RBFOX3: variants seen among roughly 807,000 people sequenced by gnomAD.
RBFOX3 encodes the protein RNA binding fox-1 homolog 3.
Under a neutral mutation model 48.7 loss-of-function variants are expected in RBFOX3, and 17 were observed. That is an observed-to-expected ratio of 0.35 (90% CI 0.24 to 0.52). The LOEUF (loss-of-function observed/expected upper bound fraction) is 0.52. Ranked by LOEUF, RBFOX3 falls within the 20% of genes least tolerant of loss-of-function variation. The pLI, the probability that RBFOX3 is intolerant of heterozygous loss-of-function variation, is 0.94. For synonymous variants in RBFOX3, 212 were observed against 209.5 expected, an observed-to-expected ratio of 1.01 and a Z score of -0.10; for missense variants, 382 against 497.5, an observed-to-expected ratio of 0.77 and a Z score of 2.21.
At chr17:79,435,655 C>T (rs2069283148) in intron 2 of RBFOX3, among the ~76,000 whole-genome samples, 1 of 152,254 alleles carries the variant, frequency 6.6e-6, no homozygotes, top group African/African-American at 2.4e-5. Context: ...GGCTCAGGCC[C>T]GGGCCCCTGG....
At chr17:79,197,955 A>G (rs981470241) in intron 4 of RBFOX3, among the ~76,000 whole-genome samples, 6 of 151,950 alleles carry the variant, frequency 3.9e-5, no homozygotes, top group African/African-American at 1.2e-4. Flanking sequence ...GCCCTGCACC[A>G]GGCAACCAAG....
intron 3 of RBFOX3, among the ~76,000 whole-genome samples, chr17:79,238,410 G>A (rs181307210): frequency 1.6e-3 from 249 of 152,294 alleles, no homozygotes; most frequent in Non-Finnish European, 2.9e-3. Context: ...AGGCAGGCTC[G>A]GGCCCATGGG....
intron 3 of RBFOX3, among the ~76,000 whole-genome samples, chr17:79,257,912 T>A (rs548272267): frequency 2.6e-5 from 4 of 151,790 alleles, no homozygotes; most frequent in Admixed American, 2.6e-4. Flanking sequence ...GAAAAAAAAA[T>A]AAAAAAATAA....
intron 4 of RBFOX3, among the ~76,000 whole-genome samples, chr17:79,186,887 T>G (rs1178043672): frequency 6.6e-6 from 1 of 152,202 alleles, no homozygotes; most frequent in Non-Finnish European, 1.5e-5. Context: ...TCACCTTCCC[T>G]GGCAGGGGCC....
intron 1 of RBFOX3, among the ~76,000 whole-genome samples, chr17:79,574,541 T>G (rs928484174): frequency 6.6e-6 from 1 of 152,174 alleles, no homozygotes; most frequent in African/African-American, 2.4e-5. Flanking sequence ...TTGTACCGTC[T>G]AAAAAGGGGA....
intron 2 of RBFOX3, among the ~76,000 whole-genome samples, chr17:79,458,688 G>T (rs1242830973): frequency 6.6e-6 from 1 of 152,156 alleles, no homozygotes; most frequent in Non-Finnish European, 1.5e-5. Flanking sequence ...CTGGGGCGGG[G>T]GCAGCAGCTG....
At chr17:79,118,659 C>T (rs1440643615) in intron 4 of RBFOX3, among the ~76,000 whole-genome samples, 1 of 152,108 alleles carries the variant, frequency 6.6e-6, no homozygotes, top group East Asian at 1.9e-4. Flanking sequence ...CCTCCTCCAC[C>T]TCCTCCAAGG....
At chr17:79,533,799 T>C (rs1222938698) in intron 1 of RBFOX3, among the ~76,000 whole-genome samples, 5 of 152,232 alleles carry the variant, frequency 3.3e-5, no homozygotes, top group Non-Finnish European at 7.3e-5. Context: ...ATATTCACTG[T>C]AGAAAATTTA....
rs182754347 is a variant in RBFOX3 at position 79,131,868 on chromosome 17, C to T, written c.-33-16120G>A. Among the ~76,000 whole-genome samples the T allele has an allele frequency of 4.6e-4, 70 of 152,312 alleles. 2 individuals are homozygous for T. The East Asian group carries it at 0.013, about 29-fold the overall frequency. ...CAGCCCCAGACCAGACTCAGTCCCT[C>T]CCTGCTCAGGTCAGCACAGATCTCA... On this transcript the variant is annotated intron_variant, in intron 4 of 14. Coordinates refer to ENST00000693108, the MANE Select transcript of RBFOX3 (RefSeq NM_001350451.2).
chr17:79,590,474 A>C (rs1191392528), intron 1 of RBFOX3, among the ~76,000 whole-genome samples: 3 of 152,180 alleles, frequency 2.0e-5, no homozygotes, highest in Non-Finnish European at 2.9e-5. Context: ...TTTGTTGCCA[A>C]GTTTGGGACT....
intron 4 of RBFOX3, among the ~76,000 whole-genome samples, chr17:79,140,271 A>G (rs918141096): frequency 3.9e-5 from 6 of 152,240 alleles, no homozygotes; most frequent in African/African-American, 1.4e-4. Flanking sequence ...CAGCTCAAGT[A>G]TAACAGCTCA....
At chr17:79,310,700 G>T (rs757956104) in intron 2 of RBFOX3, among the ~76,000 whole-genome samples, 1 of 152,168 alleles carries the variant, frequency 6.6e-6, no homozygotes, top group African/African-American at 2.4e-5. Flanking sequence ...AGGGAGCACC[G>T]CTCTGTTGCT....
At chr17:79,412,717 G>A (rs2064646315) in intron 2 of RBFOX3, among the ~76,000 whole-genome samples, 1 of 151,730 alleles carries the variant, frequency 6.6e-6, no homozygotes, top group African/African-American at 2.4e-5. Context: ...GTATGTGTGA[G>A]GGCATGGTGC....
At chr17:79,306,613 C>T (rs1016282423) in intron 3 of RBFOX3, among the ~76,000 whole-genome samples, 11 of 152,228 alleles carry the variant, frequency 7.2e-5, no homozygotes, top group Non-Finnish European at 1.5e-4. Context: ...GCCACTTCCT[C>T]CCTTTCCCTT....
At chr17:79,138,299 C>T (rs1352716135) in intron 4 of RBFOX3, among the ~76,000 whole-genome samples, 3 of 152,132 alleles carry the variant, frequency 2.0e-5, no homozygotes, top group Admixed American at 6.5e-5. Flanking sequence ...AGTACACACT[C>T]GCACACTGTG....
intron 3 of RBFOX3, among the ~76,000 whole-genome samples, chr17:79,261,864 G>A (rs908985832): frequency 6.6e-6 from 1 of 152,202 alleles, no homozygotes; most frequent in African/African-American, 2.4e-5. Context: ...CCCGAAGAGG[G>A]GAGGGGAGGA....
At chr17:79,411,021 T>C (rs2064245965) in intron 2 of RBFOX3, among the ~76,000 whole-genome samples, 1 of 152,200 alleles carries the variant, frequency 6.6e-6, no homozygotes, top group African/African-American at 2.4e-5. Flanking sequence ...TTTCTACTTG[T>C]GCGATCTCTG....
At chr17:79,171,358 G>A (rs1317009226) in intron 4 of RBFOX3, among the ~76,000 whole-genome samples, 1 of 152,200 alleles carries the variant, frequency 6.6e-6, no homozygotes, top group Non-Finnish European at 1.5e-5. Context: ...GTGTAGGCCA[G>A]AGACTGGCCA....
intron 2 of RBFOX3, among the ~76,000 whole-genome samples, chr17:79,338,190 TA>T (rs1471755431): frequency 1.3e-5 from 2 of 152,116 alleles, no homozygotes; most frequent in African/African-American, 4.8e-5. Context: ...CCACCCACCT[TA>T]GCCTCCCAAA....
Sources: gnomAD v4.1 joint callset for allele counts (sites outside exome capture counted in the v4.1 genomes callset) on GRCh38, gnomAD v4.1.1 for gene constraint, MANE v1.5 for transcripts, NCBI Gene and HGNC (gene_info 2026-07-23, HGNC 2026-07-21) for gene names.